WWOX: variants seen among roughly 807,000 people sequenced by gnomAD.
WWOX encodes the protein WW domain containing oxidoreductase.
WWOX carries 69 observed loss-of-function variants against 46.2 expected under a neutral mutation model. The ratio of observed to expected loss-of-function variants is 1.49; its 90% confidence interval spans 1.23 to 1.82. The LOEUF (loss-of-function observed/expected upper bound fraction) is 1.82, where lower values mean the gene tolerates loss of function less well. Among genes scored for constraint, WWOX ranks in the 40% most tolerant of loss-of-function variants. WWOX has a pLI of 0.00. For synonymous variants in WWOX, 359 were observed against 202.6 expected (o/e 1.77, Z -6.56); for missense variants, 919 against 542.6 (o/e 1.69, Z -6.89).
intron 5 of WWOX, among the ~76,000 whole-genome samples, chr16:78,254,457 G>A (rs2038070140): frequency 7.0e-6 from 1 of 142,002 alleles, no homozygotes; most frequent in African/African-American, 2.7e-5. Context: ...TTGCTTAGAG[G>A]TTCACCACCT....
At chr16:78,425,574 A>G (rs556729648) in intron 7 of WWOX, among the ~76,000 whole-genome samples, 3 of 152,340 alleles carry the variant, frequency 2.0e-5, no homozygotes, top group Non-Finnish European at 2.9e-5. Flanking sequence ...TAAAATTTCA[A>G]TTAAAACATC....
chr16:78,679,899 C>G (rs1451010842), intron 8 of WWOX, among the ~76,000 whole-genome samples: 2 of 152,182 alleles, frequency 1.3e-5, no homozygotes, highest in South Asian at 2.1e-4. Flanking sequence ...AGCAGCTTCC[C>G]AGACACTCCG....
intron 8 of WWOX, among the ~76,000 whole-genome samples, chr16:79,093,732 C>T (rs1029518092): frequency 2.0e-5 from 3 of 152,194 alleles, no homozygotes; most frequent in African/African-American, 7.2e-5. Context: ...AAAGGATAAT[C>T]AGATATTAGT....
intron 8 of WWOX, among the ~76,000 whole-genome samples, chr16:78,623,386 C>A (rs1280004409): frequency 6.6e-6 from 1 of 152,012 alleles, no homozygotes; most frequent in Non-Finnish European, 1.5e-5. Flanking sequence ...TTATAAGAAA[C>A]CTGTACTCTT....
chr16:78,662,100 A>G (rs2047227709), intron 8 of WWOX, among the ~76,000 whole-genome samples: 1 of 152,156 alleles, frequency 6.6e-6, no homozygotes, highest in African/African-American at 2.4e-5. Flanking sequence ...TGGTAGTAGT[A>G]GTAGTGAATG....
chr16:79,035,065 T>C (rs2047839300), intron 8 of WWOX, among the ~76,000 whole-genome samples: 1 of 152,230 alleles, frequency 6.6e-6, no homozygotes, highest in Non-Finnish European at 1.5e-5. Flanking sequence ...CATTGTACTC[T>C]AATATCCAGT....
chr16:78,969,943 C>T lies in WWOX; in HGVS notation c.1057-241665C>T, dbSNP rs187895493. On this transcript the variant is annotated intron_variant, in intron 8 of 8. Coordinates refer to ENST00000566780, the MANE Select transcript of WWOX (RefSeq NM_016373.4). ...AAAGTTGATTGTGGAAATTCTTTCA[C>T]AACTCTTTGATTGTACTAAAACTTT... Among the ~76,000 whole-genome samples, 2 of 152,264 alleles carry T rather than the reference C, an allele frequency of 1.3e-5. 1 individual carries two copies. Among genetic ancestry groups the T allele is most frequent in the African/African-American group, 4.8e-5 (2 of 41,576 alleles).
At chr16:78,854,077 T>A (rs940236073) in intron 8 of WWOX, among the ~76,000 whole-genome samples, 1 of 152,238 alleles carries the variant, frequency 6.6e-6, no homozygotes, top group East Asian at 1.9e-4. Flanking sequence ...TCTTTCTATA[T>A]TTTTCTCAGC....
At chr16:78,532,385 T>G (rs1246650951) in intron 8 of WWOX, among the ~76,000 whole-genome samples, 1 of 152,120 alleles carries the variant, frequency 6.6e-6, no homozygotes, top group Admixed American at 6.5e-5. Flanking sequence ...AGCCTTGAAA[T>G]CCTCATCTTT....
chr16:78,199,541 T>C (rs1310849448), intron 5 of WWOX, among the ~76,000 whole-genome samples: 1 of 152,178 alleles, frequency 6.6e-6, no homozygotes, highest in Non-Finnish European at 1.5e-5. Flanking sequence ...GCCAGTGTTC[T>C]CATGGGCTCT....
rs2080934772 is a variant in WWOX, at chr16:78,338,062, G to T, written c.517-48798G>T. ...ATATAAAATTATTTTTATCAAACAT[G>T]ACAGATCAAAAGCCTTCTGGAAAGG... On this transcript the variant is annotated intron_variant, in intron 5 of 8. Transcript: ENST00000566780. Among the ~76,000 whole-genome samples, 2 of 120,638 alleles carry T rather than the reference G, an allele frequency of 1.7e-5. 1 individual carries two copies. The highest frequency in any genetic ancestry group is 4.0e-5 in the Non-Finnish European group (2 of 50,614). 79.1% of individuals were successfully genotyped at this position (120,638 alleles called of 152,430 possible).
intron 8 of WWOX, among the ~76,000 whole-genome samples, chr16:79,003,984 C>T (rs2047144020): frequency 6.6e-6 from 1 of 152,206 alleles, no homozygotes; most frequent in Admixed American, 6.5e-5. Flanking sequence ...GTTCCCTGTA[C>T]TCTGCAATGC....
intron 5 of WWOX, among the ~76,000 whole-genome samples, chr16:78,351,322 G>A (rs1392911047): frequency 1.3e-5 from 2 of 152,160 alleles, no homozygotes; most frequent in African/African-American, 2.4e-5. Flanking sequence ...AAGAGTTTCA[G>A]AATAATAATT....
At chr16:78,751,131 C>T (rs1041635686) in intron 8 of WWOX, among the ~76,000 whole-genome samples, 2 of 152,056 alleles carry the variant, frequency 1.3e-5, no homozygotes, top group Non-Finnish European at 2.9e-5. Flanking sequence ...ACAGTTGAAA[C>T]CATTCCTACT....
At chr16:79,159,467 A>G (rs1414743758) in intron 8 of WWOX, among the ~76,000 whole-genome samples, 1 of 152,192 alleles carries the variant, frequency 6.6e-6, no homozygotes, top group African/African-American at 2.4e-5. Flanking sequence ...AGCTCTTTAT[A>G]TCACACCTTC....
chr16:78,524,477 G>C (rs562451653), intron 8 of WWOX, among the ~76,000 whole-genome samples: 6 of 152,140 alleles, frequency 3.9e-5, no homozygotes, highest in African/African-American at 1.4e-4. Context: ...CTGGAGTGCA[G>C]TGGCATGATC....
intron 5 of WWOX, chr16:78,238,326 G>T (rs754857833): frequency 2.6e-5 from 4 of 152,260 alleles, no homozygotes; most frequent in Non-Finnish European, 5.9e-5. Flanking sequence ...TTGAGGCAAG[G>T]TCTCACTTCA....
Position 78,416,738 on chromosome 16 carries a change from T to G in WWOX, c.606-8132T>G, listed in dbSNP as rs556402691. Among the ~76,000 whole-genome samples, 3 of 152,330 alleles carry G rather than the reference T, an allele frequency of 2.0e-5. No individual in the cohort carries two copies. The South Asian group carries it at 6.2e-4, about 32-fold the overall frequency. On this transcript the variant is annotated intron_variant, in intron 6 of 8. Transcript: ENST00000566780. ...AGGTAAACACTGCAGAAACTATCTT[T>G]GAGGAATTTAATTTTGTCTTGTGGA...
intron 5 of WWOX, among the ~76,000 whole-genome samples, chr16:78,243,346 A>T (rs1432461051): frequency 2.6e-5 from 4 of 152,152 alleles, no homozygotes; most frequent in Non-Finnish European, 1.5e-5. Context: ...ATTTCTTTTA[A>T]TTTTTATTAA....
Sources: allele counts gnomAD v4.1 joint callset (sites outside exome capture counted in the v4.1 genomes callset), GRCh38; gene constraint gnomAD v4.1.1; transcripts MANE v1.5; gene names NCBI Gene and HGNC (gene_info 2026-07-23, HGNC 2026-07-21).